FANCI: variants seen among roughly 807,000 people sequenced by gnomAD.
FANCI encodes Fanconi anemia group I protein.
In FANCI, 156 loss-of-function variants were observed where a neutral mutation model predicts 176.1. The ratio of observed to expected loss-of-function variants is 0.89; its 90% CI spans 0.78 to 1.01. The LOEUF is 1.01. FANCI is among the 50% of genes least tolerant of loss of function. FANCI has a pLI of 0.00. For synonymous variants in FANCI, 613 were observed against 541.7 expected (o/e 1.13, Z -1.83); for missense variants, 1,678 against 1,534.1 (o/e 1.09, Z -1.57).
At chr15:89,299,732 T>G (rs1349353041) in intron 24 of FANCI, 68 bp from the exon 25 acceptor site, 1 of 1,530,856 alleles carries the variant, frequency 6.5e-7, no homozygotes, top group African/African-American at 1.4e-5. Context: ...AGGGTAAGAA[T>G]TTTACTGTTT....
chr15:89,317,004 C>A lies in FANCI; in HGVS notation c.*545C>A. On this transcript the variant is annotated 3_prime_UTR_variant, in exon 38 of 38. Transcript: ENST00000310775. ...CTGTTTTCTTTTTATATAAGTGTGT[C>A]TTAGATATATTTTAAATAGAAAATA... 1 of 629,126 alleles carries A rather than the reference C, an allele frequency of 1.6e-6. No homozygotes were observed. Among genetic ancestry groups the A allele is most frequent in the Middle Eastern group, 2.9e-4 (1 of 3,392 alleles). 39.0% of individuals were successfully genotyped at this position (629,126 alleles called of 1,614,324 possible).
chr15:89,289,279 C>G (rs2053961338), intron 18 of FANCI, among the ~76,000 whole-genome samples: 1 of 151,894 alleles, frequency 6.6e-6, no homozygotes, highest in African/African-American at 2.4e-5. Flanking sequence ...TGTTCCGTTC[C>G]TTTCCCCTTT....
In FANCI at chr15:89,316,163, T is replaced by A; in HGVS notation, c.3925-234T>A. On this transcript the variant is annotated intron_variant, in intron 37 of 37. Transcript: ENST00000310775. ...CTCTTGTCATTTTGTCCCATAAGTATCCTCAGTATAGCAAAAGTCCTAAAA... is the reference window on the plus strand; with the variant it reads ...CTCTTGTCATTTTGTCCCATAAGTAACCTCAGTATAGCAAAAGTCCTAAAA... The A allele has an allele frequency of 5.4e-6, 3 of 560,222 alleles. No individual in the cohort carries two copies. In the East Asian group the frequency reaches 9.2e-5, roughly 17 times the overall value. The allele number at this position is 560,222 out of a possible 1,614,324, so 34.7% of individuals were successfully genotyped here. A position where few individuals can be genotyped will look rare whatever the true frequency, so the allele number is the denominator to read the frequency against.
chr15:89,248,506 T>C (rs368263433), intron 2 of FANCI, among the ~76,000 whole-genome samples: 68 of 150,546 alleles, frequency 4.5e-4, no homozygotes, highest in Non-Finnish European at 8.0e-4. Context: ...TAGGAATTGA[T>C]GCAGTGTTGC....
At chr15:89,276,132 G>A (rs1023421351) in intron 12 of FANCI, among the ~76,000 whole-genome samples, 10 of 152,142 alleles carry the variant, frequency 6.6e-5, no homozygotes, top group Admixed American at 5.9e-4. Flanking sequence ...TTTCCACTGT[G>A]GGGTATAACA....
chr15:89,277,093 G>A (rs1475748900), intron 13 of FANCI, among the ~76,000 whole-genome samples: 1 of 152,206 alleles, frequency 6.6e-6, no homozygotes, highest in Non-Finnish European at 1.5e-5. Context: ...TTCTATGTAA[G>A]TTTTTCATTT....
chr15:89,293,141 C>G lies in FANCI; in HGVS notation c.2291+78C>G, dbSNP rs539837721. 3.0e-4 allele frequency: 445 copies of G among 1,500,660 alleles called. 1 individual carries two copies. The African/African-American group carries it at 4.5e-3, about 15-fold the overall frequency. The allele number at this position is 1,500,660 out of a possible 1,614,324, so 93.0% of individuals were successfully genotyped here. The stretch of plus-strand genomic sequence containing the variant: ...TACATATTTTTACTGTAGCAGTATT[C>G]TAGGCAGTAAACAGACCACAGACGA... On this transcript the variant is annotated intron_variant, in intron 22 of 37. Transcript: ENST00000310775.
intron 3 of FANCI, 67 bp downstream of exon 3, chr15:89,258,843 ACTTTT>A: frequency 8.0e-7 from 1 of 1,242,614 alleles, no homozygotes; most frequent in Non-Finnish European, 1.2e-6. Context: ...TAGTTTTCGT[ACTTTT>A]CTTACGGTTT....
rs2052717203 is a variant in FANCI, at chr15:89,261,677, G to A, written c.381G>A (p.Leu127=). 1 of 1,613,948 alleles carries A rather than the reference G, an allele frequency of 6.2e-7. No individual in the cohort carries two copies. Among genetic ancestry groups the A allele is most frequent in the South Asian group, 1.1e-5 (1 of 91,076 alleles). ...REGSLVNGKS[L]ELLPIILTAL... ...GCAGCCTAGTGAATGGAAAATCTTT[G>A]GAGTTACTACCTATCATTCTCACTG... The change falls in exon 5 of 38, where the codon TTG becomes TTA. Residue 127 remains leucine, a synonymous_variant. Coordinates refer to ENST00000310775, the MANE Select transcript of FANCI (RefSeq NM_001113378.2).
intron 27 of FANCI, 58 bp downstream of exon 27, chr15:89,301,500 C>A: frequency 8.5e-7 from 1 of 1,172,006 alleles, no homozygotes; most frequent in Non-Finnish European, 1.3e-6. Flanking sequence ...AGGATTATTG[C>A]ATCATAAAAG....
chr15:89,258,974 C>G, intron 3 of FANCI, 198 bp downstream of exon 3: 1 of 561,454 alleles, frequency 1.8e-6, no homozygotes, highest in Non-Finnish European at 3.2e-6. Flanking sequence ...AAGTGGCTAC[C>G]TGAGATTGCG....
intron 24 of FANCI, among the ~76,000 whole-genome samples, chr15:89,296,662 C>T (rs1778897037): frequency 6.6e-6 from 1 of 152,184 alleles, no homozygotes; most frequent in African/African-American, 2.4e-5. Context: ...CTTTCTATTC[C>T]ACAAAACCGC....
Position 89,316,898 on chromosome 15 carries a change from G to A in FANCI, c.*439G>A. ...AACTGAGAGCTCAGAAGTGAGCAAA[G>A]GAGCTTAATGCTAAGGTCAAAAGGA... On this transcript the variant is annotated 3_prime_UTR_variant, in exon 38 of 38. Coordinates refer to ENST00000310775, the MANE Select transcript of FANCI (RefSeq NM_001113378.2). 9.2e-7 allele frequency: 1 copy of A among 1,086,292 alleles called. No homozygotes were observed. The highest frequency in any genetic ancestry group is 2.3e-5 in the East Asian group (1 of 42,628). The allele number at this position is 1,086,292 out of a possible 1,614,324, so 67.3% of individuals were successfully genotyped here.
intron 37 of FANCI, 92 bp from the exon 38 acceptor site, chr15:89,316,305 T>C: frequency 7.9e-7 from 1 of 1,273,314 alleles, no homozygotes; most frequent in Admixed American, 2.0e-5. Context: ...AAGGCTTTGA[T>C]GAGAAGATAG....
At chr15:89,264,161 C>A in intron 8 of FANCI, 135 bp downstream of exon 8, 1 of 956,216 alleles carries the variant, frequency 1.0e-6, no homozygotes, top group Admixed American at 1.8e-5. Flanking sequence ...CGTGAGCAAA[C>A]ATAGCCGAAC....
At chr15:89,258,596 C>A (rs899500336) in intron 2 of FANCI, 108 bp from the exon 3 acceptor site, 3 of 844,252 alleles carry the variant, frequency 3.6e-6, no homozygotes, top group African/African-American at 3.3e-5. Context: ...TACTTGGCGT[C>A]TCTGAATGAT....
chr15:89,255,313 T>G (rs2052445022), intron 2 of FANCI, among the ~76,000 whole-genome samples: 1 of 152,186 alleles, frequency 6.6e-6, no homozygotes, highest in Non-Finnish European at 1.5e-5. Flanking sequence ...ACTGAGCTCT[T>G]GATGTCAGTG....
In FANCI at chr15:89,247,665, A is replaced by G. The variant is rs1344119716; in HGVS notation, c.18A>G (p.Leu6=). The change falls in exon 2 of 38, where the codon TTA becomes TTG. Residue 6 remains leucine, a synonymous_variant. Transcript: ENST00000310775. ...GAGCAACAATGGACCAGAAGATTTT[A>G]TCTCTAGCAGCAGAAAAAACAGCAG... MDQKI[L]SLAAEKTADK... 6.2e-7 allele frequency: 1 copy of G among 1,613,936 alleles called. No homozygotes were observed. The highest frequency in any genetic ancestry group is 8.5e-7 in the Non-Finnish European group (1 of 1,179,968).
At position 89,291,609 on chromosome 15, in the gene FANCI, A is replaced by G. The variant is rs1217833738; in HGVS notation, c.1891-4A>G. 1.9e-6 allele frequency: 3 copies of G among 1,611,794 alleles called. No individual in the cohort carries two copies. In the East Asian group the frequency reaches 6.7e-5, roughly 36 times the overall value. On this transcript the variant is annotated splice_polypyrimidine_tract_variant and splice_region_variant and intron_variant, in intron 19 of 37. Transcript: ENST00000310775. The stretch of plus-strand genomic sequence containing the variant: ...AGATGTCTTTTTTTTCTTACTATAC[A>G]CAGTTAAAACAGTTCTATGAGCCAA...
Sources: gnomAD v4.1 joint callset for allele counts (sites outside exome capture counted in the v4.1 genomes callset) on GRCh38, gnomAD v4.1.1 for gene constraint, MANE v1.5 for transcripts, NCBI Gene and HGNC (gene_info 2026-07-23, HGNC 2026-07-21) for gene names.